The following COPS7B variants were observed in gnomAD, a reference collection of about 807,000 sequenced individuals.
COPS7B encodes COP9 signalosome complex subunit 7b.
Under a neutral mutation model 33.4 loss-of-function variants are expected in COPS7B, and 9 were observed. The observed-to-expected ratio is 0.27, with a 90% CI of 0.16 to 0.47. The LOEUF is 0.47. COPS7B is among the 20% of genes least tolerant of loss of function. The pLI, the probability that COPS7B is intolerant of heterozygous loss-of-function variation, is 0.99. For synonymous variants in COPS7B, 119 were observed against 126.3 expected (o/e 0.94, Z 0.39); for missense variants, 242 against 318.2 (o/e 0.76, Z 1.82).
At chr2:231,796,341 A>G in intron 5 of COPS7B, 33 bp downstream of exon 5, 1 of 1,598,204 alleles carries the variant, frequency 6.3e-7, no homozygotes, top group Non-Finnish European at 8.6e-7. Context: ...GATATCTAGC[A>G]TGTCTTTTGT....
At chr2:231,793,288 C>G (rs2049472624) in intron 3 of COPS7B, among the ~76,000 whole-genome samples, 1 of 152,180 alleles carries the variant, frequency 6.6e-6, no homozygotes, top group Non-Finnish European at 1.5e-5. Context: ...AATGTGGAAA[C>G]AAGTGGGATA....
At chr2:231,786,419 C>G (rs972152832), upstream of COPS7B, 1 of 984,746 alleles carries the variant, frequency 1.0e-6, no homozygotes, top group African/African-American at 1.7e-5. Context: ...GCACGGGCGA[C>G]GGGTCGGCGG....
intron 4 of COPS7B, among the ~76,000 whole-genome samples, chr2:231,794,919 A>ATTTTTTT (rs906484977): frequency 1.5e-5 from 2 of 135,842 alleles, no homozygotes; most frequent in Non-Finnish European, 3.2e-5. Context: ...CGCCCGGCTA[A>ATTTTTTT]TTTTTTTTTT....
rs1399586665 is a variant in COPS7B, at chr2:231,808,480, TC to T, written c.*837del. On this transcript the variant is annotated 3_prime_UTR_variant, in exon 7 of 7. Transcript: ENST00000350033. Reference sequence around the variant, plus strand: ...TTGCTCTCCCAAGATCTTTAACTCCTCCTGGCTGCACCTGGGTAGGGATGGT... The same window carrying T: ...TTGCTCTCCCAAGATCTTTAACTCCTCTGGCTGCACCTGGGTAGGGATGGT... The T allele has an allele frequency of 8.5e-6, 4 of 471,486 alleles. No individual in the cohort carries two copies. Among genetic ancestry groups the T allele is most frequent in the African/African-American group, 8.0e-5 (4 of 50,024 alleles). 29.2% of individuals were successfully genotyped at this position (471,486 alleles called of 1,614,324 possible).
chr2:231,807,312 C>G (rs2049922255), intron 6 of COPS7B, among the ~76,000 whole-genome samples, 175 bp from the exon 7 acceptor site: 1 of 152,146 alleles, frequency 6.6e-6, no homozygotes, highest in Non-Finnish European at 1.5e-5. Flanking sequence ...TGACTCATTT[C>G]CACAAATCTG....
Position 231,807,319 on chromosome 2 carries a change from T to C in COPS7B, c.637-168T>C, listed in dbSNP as rs79703710. Among the ~76,000 whole-genome samples the C allele has an allele frequency of 3.4e-3, 514 of 152,284 alleles. 1 individual carries two copies. The highest frequency in any genetic ancestry group is 0.012 in the African/African-American group (485 of 41,572). On this transcript the variant is annotated intron_variant, in intron 6 of 6. Coordinates refer to ENST00000350033, the MANE Select transcript of COPS7B (RefSeq NM_022730.4). ...TTTTTGCTTGACTCATTTCCACAAA[T>C]CTGCTGTGAGTAGCCCAGGCTCGTT...
chr2:231,793,965 T>C, intron 3 of COPS7B: 1 of 343,974 alleles, frequency 2.9e-6, no homozygotes, highest in Non-Finnish European at 5.5e-6. Context: ...AAGATATGTT[T>C]AATTTAATTG....
chr2:231,807,614 A>C lies in COPS7B; in HGVS notation c.764A>C (p.Lys255Thr), dbSNP rs753170162. Reference protein sequence around the residue: ...EQRQPTKKMSKVKGLVSSRH With the variant: ...EQRQPTKKMSTVKGLVSSRH The stretch of plus-strand genomic sequence containing the variant: ...AGGCAGCCCACCAAGAAGATGTCCA[A>C]AGTGAAAGGTCTGGTCTCCAGCCGC... Residue 255 changes from lysine to threonine, a missense_variant, in exon 7 of 7, where the codon AAA (lysine) becomes ACA (threonine). Physicochemically the swap from Lys to Thr is moderately conservative, Grantham distance 78 (BLOSUM62 -1). Coordinates refer to ENST00000350033, the MANE Select transcript of COPS7B (RefSeq NM_022730.4). 7 of 1,564,522 alleles carry C rather than the reference A, an allele frequency of 4.5e-6. No individual in the cohort carries two copies. Among genetic ancestry groups the C allele is most frequent in the Non-Finnish European group, 5.2e-6 (6 of 1,154,720 alleles).
chr2:231,796,311 G>A lies in COPS7B; in HGVS notation c.530+3G>A. 6.2e-7 allele frequency: 1 copy of A among 1,613,196 alleles called. No homozygotes were observed. Among genetic ancestry groups the A allele is most frequent in the Non-Finnish European group, 8.5e-7 (1 of 1,179,466 alleles). On this transcript the variant is annotated splice_donor_region_variant and intron_variant, in intron 5 of 6. Transcript: ENST00000350033. The stretch of plus-strand genomic sequence containing the variant: ...ATTGTCAAGACCCTGCATGAATGGT[G>A]AGGCTAAAAGGAGGAGGGGGATATC...
intron 2 of COPS7B, chr2:231,789,293 T>C (rs531542911): frequency 6.5e-6 from 1 of 152,700 alleles, no homozygotes; most frequent in Admixed American, 6.5e-5. Context: ...TTTTGGTCAT[T>C]GTGCCTCAAA....
At chr2:231,787,596 A>G (rs1265594707) in intron 1 of COPS7B, among the ~76,000 whole-genome samples, 1 of 151,844 alleles carries the variant, frequency 6.6e-6, no homozygotes, top group East Asian at 1.9e-4. Context: ...CACATTCTGA[A>G]GTCACGTTTG....
At position 231,798,883 on chromosome 2, in the gene COPS7B, A is replaced by G. The variant is rs148875007; in HGVS notation, c.555A>G (p.Leu185=). The G allele has an allele frequency of 6.2e-7, 1 of 1,614,176 alleles. No homozygotes were observed. The highest frequency in any genetic ancestry group is 1.7e-5 in the Admixed American group (1 of 60,024). The change falls in exon 6 of 7, where the codon CTA becomes CTG. Residue 185 remains leucine (L), a synonymous_variant. Coordinates refer to ENST00000350033, the MANE Select transcript of COPS7B (RefSeq NM_022730.4). ...GGTGTGATGGCTGTGAAGCAGTTCT[A>G]CTGGGCATCGAGCAGCAAGTTCTGA... The part of the protein sequence containing the change: ...HEWCDGCEAV[L]LGIEQQVLRA...
At chr2:231,791,587 G>A (rs41265109) in intron 2 of COPS7B, 146 bp from the exon 3 acceptor site, 16,951 of 626,300 alleles carry the variant, frequency 0.027, 294 homozygotes, top group Non-Finnish European at 0.036. Context: ...AACCAGAGTT[G>A]GTAGAGACCC....
chr2:231,788,355 C>A (rs774916795), intron 1 of COPS7B, among the ~76,000 whole-genome samples, 200 bp from the exon 2 acceptor site: 1 of 152,098 alleles, frequency 6.6e-6, no homozygotes, highest in Non-Finnish European at 1.5e-5. Context: ...ATACTGGTCT[C>A]GAACTCCTCA....
In COPS7B at chr2:231,792,287, T is replaced by C. The variant is rs1441091256; in HGVS notation, c.238+479T>C. On this transcript the variant is annotated intron_variant, in intron 3 of 6. Coordinates refer to ENST00000350033, the MANE Select transcript of COPS7B (RefSeq NM_022730.4). The stretch of plus-strand genomic sequence containing the variant: ...CAGGCAGATCACTTGAGGTGAGGAG[T>C]TTTACACCAGCCTGGCCAACATGGT... 4 of 315,818 alleles carry C rather than the reference T, an allele frequency of 1.3e-5. No individual in the cohort carries two copies. The East Asian group carries it at 3.5e-4, about 28-fold the overall frequency. The allele number at this position is 315,818 out of a possible 1,614,324, so 19.6% of individuals were successfully genotyped here.
At chr2:231,796,366 A>C (rs2049570567) in intron 5 of COPS7B, 58 bp downstream of exon 5, 3 of 1,523,176 alleles carry the variant, frequency 2.0e-6, no homozygotes, top group Non-Finnish European at 2.7e-6. Flanking sequence ...CTCCTTGCAA[A>C]AATGTGATTC....
At chr2:231,806,961 G>A (rs571295858) in intron 6 of COPS7B, among the ~76,000 whole-genome samples, 23 of 152,308 alleles carry the variant, frequency 1.5e-4, no homozygotes, top group Non-Finnish European at 2.2e-4. Flanking sequence ...AAGTATTTAC[G>A]AGTCTGTATT....
At chr2:231,800,931 G>A (rs1455167887) in intron 6 of COPS7B, among the ~76,000 whole-genome samples, 2 of 152,198 alleles carry the variant, frequency 1.3e-5, no homozygotes, top group African/African-American at 2.4e-5. Flanking sequence ...TGGCTGCTAA[G>A]TGTTGAAGGC....
intron 6 of COPS7B, among the ~76,000 whole-genome samples, 195 bp from the exon 7 acceptor site, chr2:231,807,292 C>G (rs1455978592): frequency 2.0e-5 from 3 of 152,190 alleles, no homozygotes; most frequent in Non-Finnish European, 4.4e-5. Flanking sequence ...ATTAGTCCCA[C>G]ATTTTTGCTT....
Sources: gnomAD v4.1 joint callset for allele counts (sites outside exome capture counted in the v4.1 genomes callset) on GRCh38, gnomAD v4.1.1 for gene constraint, MANE v1.5 for transcripts, NCBI Gene and HGNC (gene_info 2026-07-23, HGNC 2026-07-21) for gene names.